The following ETS2 variants were observed in gnomAD, a reference collection of about 807,000 sequenced individuals.
The protein encoded by ETS2 is ETS proto-oncogene 2, transcription factor.
ETS2 carries 19 observed loss-of-function variants against 54.9 expected under a neutral mutation model. The observed-to-expected ratio is 0.35, with a 90% confidence interval of 0.24 to 0.51. The LOEUF (loss-of-function observed/expected upper bound fraction) is 0.51, where lower values mean the gene tolerates loss of function less well. Among genes scored for constraint, ETS2 ranks in the 20% least tolerant of loss-of-function variants. The probability of loss-of-function intolerance (pLI) is 0.97; values close to 1 mark genes in which losing one functional copy is unlikely to be tolerated. For missense variants in ETS2, 417 were observed against 593.0 expected, an observed-to-expected ratio of 0.70 and a Z score of 3.08; for synonymous variants, 219 against 229.3, an observed-to-expected ratio of 0.95 and a Z score of 0.41.
At chr21:38,820,361 G>GCTCC (rs2060952957) in intron 8 of ETS2, among the ~76,000 whole-genome samples, 2 of 152,100 alleles carry the variant, frequency 1.3e-5, no homozygotes, top group South Asian at 4.1e-4. Context: ...AGCCACTGTG[G>GCTCC]ATTGAAATTA....
rs201321686 is a variant in ETS2 at position 38,814,835 on chromosome 21, A to G, written c.359A>G (p.Asn120Ser). Reference sequence around the variant, plus strand: ...TGCCAGTGGCTTCTCTGGGCCACCAATGAGTTCAGTCTGGTGAACGTGAAT... The same window carrying G: ...TGCCAGTGGCTTCTCTGGGCCACCAGTGAGTTCAGTCTGGTGAACGTGAAT... ...QVCQWLLWAT[N>S]EFSLVNVNLQ... is the part of the protein sequence containing the mutation. The change falls in exon 5 of 10, where the codon AAT becomes AGT. Residue 120 changes from asparagine to serine, a missense_variant. Physicochemically the swap from Asn to Ser is conservative, Grantham distance 46. Coordinates refer to ENST00000360938, the MANE Select transcript of ETS2 (RefSeq NM_005239.6). The surrounding 1 kb of genome is among the most constrained non-coding windows in gnomAD (Gnocchi z 4.2). 6.8e-6 allele frequency: 11 copies of G among 1,614,216 alleles called. No homozygotes were observed. The highest frequency in any genetic ancestry group is 5.3e-5 in the African/African-American group (4 of 75,054).
chr21:38,805,210 G>C, upstream of ETS2: 1 of 684,968 alleles, frequency 1.5e-6, no homozygotes, highest in East Asian at 8.3e-5. This position sits in a 1 kb window ranked among gnomAD's most constrained non-coding sequence, Gnocchi z 5.2. Flanking sequence ...TGCGGGATCG[G>C]GGCTTCCCGG....
At position 38,819,629 on chromosome 21, in the gene ETS2, GCTT is replaced by G. The variant is rs1601431674; in HGVS notation, c.940_942del (p.Phe314del). Reference sequence around the variant, plus strand: ...GTGCAACGGGTTCCTTCCTTCGAGAGCTTCGAAGATGACTGCAGCCAGTCTCTC... The same window carrying G: ...GTGCAACGGGTTCCTTCCTTCGAGAGCGAAGATGACTGCAGCCAGTCTCTC... On this transcript the variant is annotated inframe_deletion, in exon 8 of 10. Transcript: ENST00000360938. 1 of 1,614,190 alleles carries G rather than the reference GCTT, an allele frequency of 6.2e-7. No individual in the cohort carries two copies. Among genetic ancestry groups the G allele is most frequent in the East Asian group, 2.2e-5 (1 of 44,880 alleles).
At position 38,814,064 on chromosome 21, in the gene ETS2, GA is replaced by G. The variant is rs1374901205; in HGVS notation, c.185-208del. ...AGAATCAAATCTGAGTTTTATTTTA[GA>G]TTTTTTTAATAAGTATAGTTCTGAG... On this transcript the variant is annotated intron_variant, in intron 3 of 9. Coordinates refer to ENST00000360938, the MANE Select transcript of ETS2 (RefSeq NM_005239.6). This position sits in a 1 kb window ranked among gnomAD's most constrained non-coding sequence, Gnocchi z 4.2. Among the ~76,000 whole-genome samples the G allele has an allele frequency of 6.6e-6, 1 of 152,174 alleles. No individual in the cohort carries two copies. Among genetic ancestry groups the G allele is most frequent in the Non-Finnish European group, 1.5e-5 (1 of 68,008 alleles).
At chr21:38,807,719 CA>C (rs1387549429) in intron 1 of ETS2, among the ~76,000 whole-genome samples, 1 of 152,214 alleles carries the variant, frequency 6.6e-6, no homozygotes, top group African/African-American at 2.4e-5. Context: ...TATTTGTACA[CA>C]AAAGCTGGGG....
At position 38,819,817 on chromosome 21, in the gene ETS2, C is replaced by G. The variant is rs757157160; in HGVS notation, c.1075+51C>G. 18 of 1,558,536 alleles carry G rather than the reference C, an allele frequency of 1.2e-5. No individual in the cohort carries two copies. In the Admixed American group the frequency reaches 3.3e-4, roughly 28 times the overall value. On this transcript the variant is annotated intron_variant, in intron 8 of 9. Coordinates refer to ENST00000360938, the MANE Select transcript of ETS2 (RefSeq NM_005239.6). ...GCCGCCCAGTCTCCTGGGTCCTGTC[C>G]CTTGCTTCCTTTCGAGCCACAGTAC...
intron 2 of ETS2, among the ~76,000 whole-genome samples, chr21:38,811,620 G>A (rs1461875762): frequency 6.6e-6 from 1 of 152,186 alleles, no homozygotes; most frequent in South Asian, 2.1e-4. Context: ...CAATTTAGGC[G>A]ATGATGAATC....
chr21:38,814,828 G>T lies in ETS2; in HGVS notation c.352G>T (p.Ala118Ser), dbSNP rs1374696251. ...EQQVCQWLLW[A>S]TNEFSLVNVN... is the part of the protein sequence containing the mutation. Reference sequence around the variant, plus strand: ...ACAGGTATGCCAGTGGCTTCTCTGGGCCACCAATGAGTTCAGTCTGGTGAA... The same window carrying T: ...ACAGGTATGCCAGTGGCTTCTCTGGTCCACCAATGAGTTCAGTCTGGTGAA... Residue 118 changes from alanine (A) to serine (S), a missense_variant, in exon 5 of 10, where the codon GCC (alanine) becomes TCC (serine). Physicochemically the swap from Ala to Ser is moderately conservative, Grantham distance 99. This residue lies in a region of ETS2 where 326 missense variants were observed against 426.1 expected (regional missense o/e 0.76). Coordinates refer to ENST00000360938, the MANE Select transcript of ETS2 (RefSeq NM_005239.6). The surrounding 1 kb of genome is among the most constrained non-coding windows in gnomAD (Gnocchi z 4.2). 5.6e-6 allele frequency: 9 copies of T among 1,614,074 alleles called. No individual in the cohort carries two copies. In the African/African-American group the frequency reaches 6.7e-5, roughly 12 times the overall value.
chr21:38,806,452 A>G lies in ETS2; in HGVS notation c.-1+332A>G. On this transcript the variant is annotated intron_variant, in intron 1 of 9. Transcript: ENST00000360938. This position sits in a 1 kb window ranked among gnomAD's most constrained non-coding sequence, Gnocchi z 4.3. ...TTCGCTCGCTTTTGTTTTTAAAAGG[A>G]AACGCAGGCCTGGTAGGGGGTCCTG... 1.0e-6 allele frequency: 1 copy of G among 985,380 alleles called. No individual in the cohort carries two copies. The highest frequency in any genetic ancestry group is 1.1e-4 in the East Asian group (1 of 8,776). 61.0% of individuals were successfully genotyped at this position (985,380 alleles called of 1,614,324 possible). A position where few individuals can be genotyped will look rare whatever the true frequency, so the allele number is the denominator to read the frequency against.
Position 38,823,926 on chromosome 21 carries a change from TC to T in ETS2, c.*1039del, listed in dbSNP as rs1022829690. The T allele has an allele frequency of 2.6e-5, 4 of 152,598 alleles. No homozygotes were observed. The highest frequency in any genetic ancestry group is 9.7e-5 in the African/African-American group (4 of 41,442). 9.5% of individuals were successfully genotyped at this position (152,598 alleles called of 1,614,324 possible). On this transcript the variant is annotated 3_prime_UTR_variant, in exon 10 of 10. Coordinates refer to ENST00000360938, the MANE Select transcript of ETS2 (RefSeq NM_005239.6). ...CTCTCTGACCACCCAGCCATTTCCT[TC>T]CTGTGCTCCACGTTCTTCTGTGTGA...
In ETS2 at chr21:38,819,635, A is replaced by G. The variant is rs1365991432; in HGVS notation, c.944A>G (p.Glu315Gly). The G allele has an allele frequency of 6.2e-7, 1 of 1,614,228 alleles. No individual in the cohort carries two copies. The highest frequency in any genetic ancestry group is 8.5e-7 in the Non-Finnish European group (1 of 1,180,038). ...VQRVPSFESF[E>G]DDCSQSLCLN... ...CGGGTTCCTTCCTTCGAGAGCTTCG[A>G]AGATGACTGCAGCCAGTCTCTCTGC... is the stretch of plus-strand genomic sequence containing the variant. Residue 315 changes from glutamate (E) to glycine (G), a missense_variant, in exon 8 of 10, where the codon GAA (glutamate) becomes GGA (glycine). This residue lies in a region of ETS2 where 326 missense variants were observed against 426.1 expected (regional missense o/e 0.76). Coordinates refer to ENST00000360938, the MANE Select transcript of ETS2 (RefSeq NM_005239.6).
At chr21:38,822,627 T>C in intron 9 of ETS2, 47 bp from the exon 10 acceptor site, 2 of 1,498,182 alleles carry the variant, frequency 1.3e-6, no homozygotes, top group East Asian at 4.5e-5. Flanking sequence ...CACTTTTTCT[T>C]CATTGACAAA....
At chr21:38,816,541 C>T (rs1315950973) in intron 5 of ETS2, among the ~76,000 whole-genome samples, 1 of 152,170 alleles carries the variant, frequency 6.6e-6, no homozygotes, top group Non-Finnish European at 1.5e-5. Context: ...CACATGTGTT[C>T]CCCATCCCAG....
chr21:38,824,722 C>T lies in ETS2; in HGVS notation c.*1833C>T, dbSNP rs2060972410. 1 of 152,584 alleles carries T rather than the reference C, an allele frequency of 6.6e-6. No individual in the cohort carries two copies. The highest frequency in any genetic ancestry group is 2.4e-5 in the African/African-American group (1 of 41,436). The allele number at this position is 152,584 out of a possible 1,614,324, so 9.5% of individuals were successfully genotyped here. On this transcript the variant is annotated 3_prime_UTR_variant, in exon 10 of 10. Transcript: ENST00000360938. ...CAGACATGTGACTGGGAACATCTTG[C>T]TGCCAAAAGAATCCTAGGCAGTGGC...
chr21:38,806,467 AG>A lies in ETS2; in HGVS notation c.-1+352del. 4.1e-6 allele frequency: 4 copies of A among 985,336 alleles called. No homozygotes were observed. Among genetic ancestry groups the A allele is most frequent in the Non-Finnish European group, 4.8e-6 (4 of 829,978 alleles). The allele number at this position is 985,336 out of a possible 1,614,324, so 61.0% of individuals were successfully genotyped here. On this transcript the variant is annotated intron_variant, in intron 1 of 9. Transcript: ENST00000360938. The surrounding 1 kb of genome is among the most constrained non-coding windows in gnomAD (Gnocchi z 4.3). ...TTTTAAAAGGAAACGCAGGCCTGGT[AG>A]GGGGTCCTGCCCAGTGGATGTCCCG...
chr21:38,821,468 CCATT>C lies in ETS2; in HGVS notation c.1076-115_1076-112del. 2.6e-6 allele frequency: 2 copies of C among 777,308 alleles called. No individual in the cohort carries two copies. The highest frequency in any genetic ancestry group is 4.5e-6 in the Non-Finnish European group (2 of 446,732). 48.2% of individuals were successfully genotyped at this position (777,308 alleles called of 1,614,324 possible). ...CCACCCTGAGTGTAACATCGGAACC[CCATT>C]CAGAGAGTTGGGTCTGCATTCCTAA... On this transcript the variant is annotated intron_variant, in intron 8 of 9. Transcript: ENST00000360938. This position sits in a 1 kb window ranked among gnomAD's most constrained non-coding sequence, Gnocchi z 4.2.
At chr21:38,812,890 T>C in intron 2 of ETS2, 113 bp from the exon 3 acceptor site, 1 of 689,080 alleles carries the variant, frequency 1.5e-6, no homozygotes, top group South Asian at 1.7e-5. Context: ...TGCTTCAAAA[T>C]TGCCAGTTTA....
At position 38,814,597 on chromosome 21, in the gene ETS2, A is replaced by G. The variant is rs2060925678; in HGVS notation, c.305-184A>G. Among the ~76,000 whole-genome samples the G allele has an allele frequency of 6.6e-6, 1 of 152,220 alleles. No homozygotes were observed. Among genetic ancestry groups the G allele is most frequent in the African/African-American group, 2.4e-5 (1 of 41,450 alleles). On this transcript the variant is annotated intron_variant, in intron 4 of 9. Coordinates refer to ENST00000360938, the MANE Select transcript of ETS2 (RefSeq NM_005239.6). The surrounding 1 kb of genome is among the most constrained non-coding windows in gnomAD (Gnocchi z 4.2). ...CATTAAATATGTAGTAGAAGGACGC[A>G]TTACTGGTGTCTTGAAATGTGCCTG...
intron 5 of ETS2, among the ~76,000 whole-genome samples, chr21:38,816,763 T>G: frequency 6.6e-6 from 1 of 152,206 alleles, no homozygotes; most frequent in East Asian, 1.9e-4. Context: ...GATAGAAAAT[T>G]TAGTGTTGCC....
Sources: allele counts gnomAD v4.1 joint callset (sites outside exome capture counted in the v4.1 genomes callset), GRCh38; gene constraint gnomAD v4.1.1; regional missense constraint gnomAD v4.1.1; non-coding constraint Gnocchi (gnomAD v3.1); transcripts MANE v1.5; gene names NCBI Gene and HGNC (gene_info 2026-07-23, HGNC 2026-07-21).